MEST: variants seen among roughly 807,000 people sequenced by gnomAD.
MEST encodes the protein mesoderm-specific transcript homolog protein.
MEST carries 18 observed loss-of-function variants against 50.9 expected under a neutral mutation model. The ratio of observed to expected loss-of-function variants is 0.35; its 90% CI spans 0.24 to 0.52. MEST has a LOEUF of 0.52. Among genes scored for constraint, MEST ranks in the 20% least tolerant of loss-of-function variants. MEST has a pLI of 0.94. For synonymous variants in MEST, 130 were observed against 154.1 expected (o/e 0.84, Z 1.16); for missense variants, 282 against 425.3 (o/e 0.66, Z 2.96).
chr7:130,497,572 T>G lies in MEST; in HGVS notation c.261+337T>G, dbSNP rs938047245. The G allele has an allele frequency of 2.4e-4, 59 of 242,770 alleles. No homozygotes were observed. Among genetic ancestry groups the G allele is most frequent in the African/African-American group, 1.2e-3 (53 of 44,096 alleles). The allele number at this position is 242,770 out of a possible 1,614,324, so 15.0% of individuals were successfully genotyped here. ...AGTCTGTCTCAAAAAAAAATTTTTT[T>G]TTAATAAAAATTTAAAAAACCTCAA... On this transcript the variant is annotated intron_variant, in intron 3 of 11. Coordinates refer to ENST00000223215, the MANE Select transcript of MEST (RefSeq NM_002402.4). This position sits in a 1 kb window ranked among gnomAD's most constrained non-coding sequence, Gnocchi z 4.0.
At chr7:130,502,824 AT>A (rs144187569) in intron 10 of MEST, 104 bp downstream of exon 10, 20,286 of 762,926 alleles carry the variant, frequency 0.027, 554 homozygotes, top group African/African-American at 0.094. Context: ...AAATAAAAAT[AT>A]AAGATACCCA....
At chr7:130,488,757 T>G (rs922845232), upstream of MEST, 2 of 152,272 alleles carry the variant, frequency 1.3e-5, no homozygotes, top group African/African-American at 4.8e-5. Flanking sequence ...TCTGAACACA[T>G]TCCTATTTGT....
Position 130,492,277 on chromosome 7 carries a change from T to C in MEST, c.-37T>C, listed in dbSNP as rs782012483. ...GCGGGCTCTGCGGCGCCCGGTGCTC[T>C]GCAACGCTGCGGCGGGCGGCATGGG... On this transcript the variant is annotated 5_prime_UTR_variant, in exon 1 of 12. Transcript: ENST00000223215. This position sits in a 1 kb window ranked among gnomAD's most constrained non-coding sequence, Gnocchi z 7.6. 19 of 1,347,446 alleles carry C rather than the reference T, an allele frequency of 1.4e-5. No individual in the cohort carries two copies. In the African/African-American group the frequency reaches 2.9e-4, roughly 21 times the overall value. The allele number at this position is 1,347,446 out of a possible 1,614,324, so 83.5% of individuals were successfully genotyped here. A position where few individuals can be genotyped will look rare whatever the true frequency, so the allele number is the denominator to read the frequency against.
In MEST at chr7:130,497,565, A is replaced by T. The variant is rs576344141; in HGVS notation, c.261+330A>T. ...GAGCGAGAGTCTGTCTCAAAAAAAA[A>T]TTTTTTTTTAATAAAAATTTAAAAA... On this transcript the variant is annotated intron_variant, in intron 3 of 11. Coordinates refer to ENST00000223215, the MANE Select transcript of MEST (RefSeq NM_002402.4). This position sits in a 1 kb window ranked among gnomAD's most constrained non-coding sequence, Gnocchi z 4.0. 1.2e-3 allele frequency: 282 copies of T among 240,568 alleles called. 2 individuals are homozygous for T. Among genetic ancestry groups the T allele is most frequent in the African/African-American group, 5.8e-3 (253 of 43,828 alleles). The allele number at this position is 240,568 out of a possible 1,614,324, so 14.9% of individuals were successfully genotyped here.
Position 130,500,656 on chromosome 7 carries a change from A to C in MEST, c.647+124A>C. On this transcript the variant is annotated intron_variant, in intron 8 of 11. Coordinates refer to ENST00000223215, the MANE Select transcript of MEST (RefSeq NM_002402.4). This position sits in a 1 kb window ranked among gnomAD's most constrained non-coding sequence, Gnocchi z 5.0. Reference sequence around the variant, plus strand: ...CAAAGGTGTTGGCCGCTTGCCAGGGAAGTAGAAGGAATTCATAAATCACTT... The same window carrying C: ...CAAAGGTGTTGGCCGCTTGCCAGGGCAGTAGAAGGAATTCATAAATCACTT... The C allele has an allele frequency of 2.5e-6, 3 of 1,219,390 alleles. No homozygotes were observed. In the South Asian group the frequency reaches 4.3e-5, roughly 18 times the overall value. The allele number at this position is 1,219,390 out of a possible 1,614,324, so 75.5% of individuals were successfully genotyped here.
Position 130,495,435 on chromosome 7 carries a change from C to T in MEST, c.94C>T (p.Pro32Ser). ...VPLLAAYLHIPPPQLSPALHS... is the reference protein window; with the variant it reads ...VPLLAAYLHISPPQLSPALHS... ...CCTGCTTGCTGCGTACCTGCACATC[C>T]CACCCCCTCAGCTCTCCCCTGCCCT... Residue 32 changes from proline to serine, a missense_variant, in exon 2 of 12, where the codon CCA becomes TCA. Pro to Ser is a moderately conservative substitution (Grantham distance 74). Transcript: ENST00000223215. 2 of 1,614,002 alleles carry T rather than the reference C, an allele frequency of 1.2e-6. No individual in the cohort carries two copies. Among genetic ancestry groups the T allele is most frequent in the Non-Finnish European group, 1.7e-6 (2 of 1,179,966 alleles).
intron 9 of MEST, among the ~76,000 whole-genome samples, chr7:130,502,104 C>T (rs1278468390): frequency 6.6e-6 from 1 of 152,010 alleles, no homozygotes; most frequent in African/African-American, 2.4e-5. Context: ...TGCCTGTACT[C>T]CCAGCTACTT....
In MEST at chr7:130,500,776, T is replaced by C. The variant is rs1482372651; in HGVS notation, c.648-13T>C. ...TCCTCACACTTATCTTCCTGCGTTT[T>C]GGACTCTTTCAGTCTCACCCCAGTC... On this transcript the variant is annotated splice_polypyrimidine_tract_variant and intron_variant, in intron 8 of 11. Coordinates refer to ENST00000223215, the MANE Select transcript of MEST (RefSeq NM_002402.4). The surrounding 1 kb of genome is among the most constrained non-coding windows in gnomAD (Gnocchi z 5.0). 1.2e-5 allele frequency: 19 copies of C among 1,599,934 alleles called. No homozygotes were observed. Among genetic ancestry groups the C allele is most frequent in the Non-Finnish European group, 1.5e-5 (18 of 1,173,770 alleles).
chr7:130,500,568 A>G lies in MEST; in HGVS notation c.647+36A>G. The G allele has an allele frequency of 1.3e-6, 2 of 1,588,580 alleles. No individual in the cohort carries two copies. Among genetic ancestry groups the G allele is most frequent in the Non-Finnish European group, 1.7e-6 (2 of 1,162,448 alleles). ...CTGTCAAAGATTGTGGCCTAGAGCAATGTCGTGAAAAGTTGCTGCCATTAC... is the reference window on the plus strand; with the variant it reads ...CTGTCAAAGATTGTGGCCTAGAGCAGTGTCGTGAAAAGTTGCTGCCATTAC... On this transcript the variant is annotated intron_variant, in intron 8 of 11. Transcript: ENST00000223215. The surrounding 1 kb of genome is among the most constrained non-coding windows in gnomAD (Gnocchi z 5.0).
upstream of MEST, among the ~76,000 whole-genome samples, chr7:130,490,276 C>G (rs1392499057): frequency 1.3e-5 from 2 of 152,182 alleles, no homozygotes; most frequent in Non-Finnish European, 2.9e-5. Flanking sequence ...ATTCCTAATT[C>G]CCTACGATGA....
Position 130,503,988 on chromosome 7 carries a change from G to A in MEST, c.882G>A (p.Glu294=). The A allele has an allele frequency of 6.2e-7, 1 of 1,612,832 alleles. No individual in the cohort carries two copies. The highest frequency in any genetic ancestry group is 8.5e-7 in the Non-Finnish European group (1 of 1,178,952). ...DPVNPYPEFL[E]LYRKTLPRST... is the part of the protein sequence containing the mutation. ...TAAATCCCTATCCAGAGTTTTTGGA[G>A]CTGTACAGGTGAGTCTCCCCGAGAG... The change falls in exon 11 of 12, where the codon GAG becomes GAA. Residue 294 remains glutamate, a synonymous_variant. Transcript: ENST00000223215.
chr7:130,495,339 C>A (rs1799005958), intron 1 of MEST, 29 bp from the exon 2 acceptor site: 1 of 1,579,328 alleles, frequency 6.3e-7, no homozygotes. Context: ...TACCTGACTG[C>A]TTACAGTGGG....
At chr7:130,495,647 T>C (rs1274072351) in intron 2 of MEST, 125 bp downstream of exon 2, 23 of 1,050,270 alleles carry the variant, frequency 2.2e-5, no homozygotes, top group Non-Finnish European at 3.1e-5. Context: ...TCTCTCTCTT[T>C]CTGTGTAGTG....
Position 130,500,687 on chromosome 7 carries a change from TCAGACTGCATGGCC to T in MEST, c.648-87_648-74del, listed in dbSNP as rs552182150. ...AAGGAATTCATAAATCACTTATGGG[TCAGACTGCATGGCC>T]CAGACTGCATGGCCTCTGAGGTTCC... On this transcript the variant is annotated intron_variant, in intron 8 of 11. Transcript: ENST00000223215. This position sits in a 1 kb window ranked among gnomAD's most constrained non-coding sequence, Gnocchi z 5.0. 5.7e-5 allele frequency: 68 copies of T among 1,190,196 alleles called. No homozygotes were observed. In the Admixed American group the frequency reaches 8.2e-4, roughly 14 times the overall value. 73.7% of individuals were successfully genotyped at this position (1,190,196 alleles called of 1,614,324 possible).
rs782066256 is a variant in MEST, at chr7:130,492,291, G to A, written c.-23G>A. The stretch of plus-strand genomic sequence containing the variant: ...GCCCGGTGCTCTGCAACGCTGCGGC[G>A]GGCGGCATGGGATAACGCGGCCATG... On this transcript the variant is annotated 5_prime_UTR_variant, in exon 1 of 12. Transcript: ENST00000223215. The surrounding 1 kb of genome is among the most constrained non-coding windows in gnomAD (Gnocchi z 7.6). The A allele has an allele frequency of 7.4e-6, 10 of 1,346,512 alleles. No homozygotes were observed. Among genetic ancestry groups the A allele is most frequent in the Middle Eastern group, 2.3e-4 (1 of 4,418 alleles). The allele number at this position is 1,346,512 out of a possible 1,614,324, so 83.4% of individuals were successfully genotyped here.
intron 7 of MEST, 47 bp downstream of exon 7, chr7:130,499,962 G>T (rs781918324): frequency 6.6e-7 from 1 of 1,513,778 alleles, no homozygotes; most frequent in Non-Finnish European, 9.1e-7. Flanking sequence ...TTGTACTGAC[G>T]TAAATAATGC....
At chr7:130,503,745 G>A (rs1799365410) in intron 10 of MEST, among the ~76,000 whole-genome samples, 188 bp from the exon 11 acceptor site, 1 of 152,174 alleles carries the variant, frequency 6.6e-6, no homozygotes, top group South Asian at 2.1e-4. Flanking sequence ...GGGCCAACGA[G>A]TTTGAGGTTA....
chr7:130,490,874 T>C (rs1194801073), upstream of MEST: 4 of 152,288 alleles, frequency 2.6e-5, no homozygotes, highest in African/African-American at 9.6e-5. Flanking sequence ...ATGATAGGCT[T>C]ATAGGCGGTA....
Position 130,500,922 on chromosome 7 carries a change from AG to A in MEST, c.749+33del. ...AGTTACCCTTTGCTTTGGTTTCCAG[AG>A]ACGTGTTTTTGTGGAGAGTGGGGAT... On this transcript the variant is annotated intron_variant, in intron 9 of 11. Coordinates refer to ENST00000223215, the MANE Select transcript of MEST (RefSeq NM_002402.4). This position sits in a 1 kb window ranked among gnomAD's most constrained non-coding sequence, Gnocchi z 5.0. 6.3e-7 allele frequency: 1 copy of A among 1,591,414 alleles called. No homozygotes were observed. Among genetic ancestry groups the A allele is most frequent in the East Asian group, 2.2e-5 (1 of 44,752 alleles).
Sources: allele counts gnomAD v4.1 joint callset (sites outside exome capture counted in the v4.1 genomes callset), GRCh38; gene constraint gnomAD v4.1.1; non-coding constraint Gnocchi (gnomAD v3.1); transcripts MANE v1.5; gene names NCBI Gene and HGNC (gene_info 2026-07-23, HGNC 2026-07-21).